The following SNX29 variants were observed in gnomAD, a reference collection of about 807,000 sequenced individuals.
SNX29 encodes the protein sorting nexin 29, also known as sorting nexin-29.
A neutral mutation model predicts 102.1 loss-of-function variants in SNX29; 78 were observed. The ratio of observed to expected loss-of-function variants is 0.76; its 90% CI spans 0.64 to 0.92. The LOEUF (loss-of-function observed/expected upper bound fraction) is 0.92, where lower values mean the gene tolerates loss of function less well. Ranked by LOEUF, SNX29 falls within the 40% of genes least tolerant of loss-of-function variation. SNX29 has a pLI of 0.00. For missense variants in SNX29, 1,280 were observed against 1,061.7 expected, an observed-to-expected ratio of 1.21 and a Z score of -2.86; for synonymous variants, 580 against 414.5, an observed-to-expected ratio of 1.40 and a Z score of -4.85.
chr16:12,308,813 CAAG>C (rs1318874553), intron 15 of SNX29, among the ~76,000 whole-genome samples: 2 of 151,980 alleles, frequency 1.3e-5, no homozygotes, highest in Non-Finnish European at 2.9e-5. Context: ...GCAAAAGAAA[CAAG>C]AACGCCTGCC....
In SNX29 at chr16:12,195,024, T is replaced by C. The variant is rs2141931587; in HGVS notation, c.1596-4577T>C. Among the ~76,000 whole-genome samples the C allele has an allele frequency of 1.3e-5, 2 of 152,322 alleles. 1 individual carries two copies. The stretch of plus-strand genomic sequence containing the variant: ...AAAATTTCCAATTAATTTTATCATA[T>C]AGAAATGAGCACTGTTAACGTTGTG... On this transcript the variant is annotated intron_variant, in intron 13 of 20. Transcript: ENST00000566228.
chr16:12,556,991 G>A (rs1598015639), intron 20 of SNX29, among the ~76,000 whole-genome samples: 4 of 142,710 alleles, frequency 2.8e-5, no homozygotes, highest in African/African-American at 1.0e-4. Context: ...TGGACAACAG[G>A]TACACACCAC....
chr16:12,453,158 C>T (rs1318431070), intron 18 of SNX29, among the ~76,000 whole-genome samples: 2 of 152,190 alleles, frequency 1.3e-5, no homozygotes, highest in Admixed American at 1.3e-4. Context: ...CTGCTGTAAG[C>T]CTCTGAAACA....
Position 12,174,970 on chromosome 16 carries a change from G to A in SNX29, c.1596-24631G>A, listed in dbSNP as rs571712144. Among the ~76,000 whole-genome samples the A allele has an allele frequency of 5.3e-5, 8 of 152,152 alleles. No individual in the cohort carries two copies. In the East Asian group the frequency reaches 9.6e-4, roughly 18 times the overall value. ...CAATTATCTTGTCCCTGAGGTAAGA[G>A]GGCTAGTAAACAGCTTAGTGTCCTC... On this transcript the variant is annotated intron_variant, in intron 13 of 20. Transcript: ENST00000566228.
chr16:12,510,449 G>C (rs1221484184), intron 19 of SNX29, among the ~76,000 whole-genome samples: 1 of 152,112 alleles, frequency 6.6e-6, no homozygotes, highest in Non-Finnish European at 1.5e-5. Flanking sequence ...TGAGGCGGGT[G>C]GATCACTTGA....
chr16:12,314,701 AT>A (rs764563304), intron 15 of SNX29, among the ~76,000 whole-genome samples: 1 of 152,196 alleles, frequency 6.6e-6, no homozygotes, highest in Non-Finnish European at 1.5e-5. Context: ...AGCTTGGTGG[AT>A]TTTATAACAC....
At position 12,442,124 on chromosome 16, in the gene SNX29, A is replaced by G. The variant is rs149822832; in HGVS notation, c.2038-35595A>G. 1.6e-3 allele frequency among the ~76,000 whole-genome samples: 247 copies of G among 152,236 alleles called. 2 individuals are homozygous for G. The highest frequency in any genetic ancestry group is 1.2e-3 in the Non-Finnish European group (81 of 68,026). On this transcript the variant is annotated intron_variant, in intron 18 of 20. Coordinates refer to ENST00000566228, the MANE Select transcript of SNX29 (RefSeq NM_032167.5). ...TGGTATGAGGTAAGGATCCAGCTTC[A>G]TTTTATTGTGGATACCCAGTTGTCC...
chr16:12,550,065 C>G (rs1448646608), intron 20 of SNX29, among the ~76,000 whole-genome samples: 1 of 152,208 alleles, frequency 6.6e-6, no homozygotes, highest in Non-Finnish European at 1.5e-5. Flanking sequence ...TGTTTAGTCT[C>G]ACCCTTTATA....
intron 15 of SNX29, among the ~76,000 whole-genome samples, chr16:12,324,023 C>T (rs2081041428): frequency 6.6e-6 from 1 of 151,436 alleles, no homozygotes; most frequent in African/African-American, 2.5e-5. Flanking sequence ...CGTACTCCCT[C>T]AATTTATCCA....
rs187106406 is a variant in SNX29, at chr16:12,287,648, C to A, written c.1782+9612C>A. The stretch of plus-strand genomic sequence containing the variant: ...AAACTCTGTAGTATCATTATCACAC[C>A]CTAAAGTTAGCAGTAATTCCTTAGT... On this transcript the variant is annotated intron_variant, in intron 15 of 20. Coordinates refer to ENST00000566228, the MANE Select transcript of SNX29 (RefSeq NM_032167.5). 1.2e-3 allele frequency among the ~76,000 whole-genome samples: 177 copies of A among 152,196 alleles called. 1 individual carries two copies. The highest frequency in any genetic ancestry group is 4.1e-3 in the African/African-American group (170 of 41,526).
At chr16:12,120,343 G>A (rs1056880019) in intron 11 of SNX29, among the ~76,000 whole-genome samples, 1 of 152,190 alleles carries the variant, frequency 6.6e-6, no homozygotes, top group African/African-American at 2.4e-5. Flanking sequence ...GGCTCTTTGA[G>A]GTCTTTGGAA....
chr16:12,393,663 T>C (rs141504199), intron 16 of SNX29, among the ~76,000 whole-genome samples: 1 of 152,156 alleles, frequency 6.6e-6, no homozygotes, highest in Admixed American at 6.5e-5. Context: ...CTCCTAGGAA[T>C]TCATATTTTG....
intron 18 of SNX29, among the ~76,000 whole-genome samples, chr16:12,475,014 C>G (rs2087525366): frequency 6.6e-6 from 1 of 152,246 alleles, no homozygotes; most frequent in African/African-American, 2.4e-5. Flanking sequence ...AAGTCCAGTT[C>G]CTCTCCATCT....
At chr16:12,484,865 C>G (rs181661384) in intron 19 of SNX29, among the ~76,000 whole-genome samples, 1 of 152,138 alleles carries the variant, frequency 6.6e-6, no homozygotes, top group African/African-American at 2.4e-5. Context: ...CTTATTTGTG[C>G]ACTTCAATAT....
intron 13 of SNX29, among the ~76,000 whole-genome samples, chr16:12,186,090 A>T (rs191011881): frequency 1.3e-5 from 2 of 152,284 alleles, no homozygotes; most frequent in Admixed American, 1.3e-4. Context: ...ATATTGACCA[A>T]ACAAATGTTC....
Position 12,568,299 on chromosome 16 carries a change from G to T in SNX29, c.2319-207G>T, listed in dbSNP as rs1309046963. Among the ~76,000 whole-genome samples, 4 of 32,220 alleles carry T rather than the reference G, an allele frequency of 1.2e-4. No individual in the cohort carries two copies. The East Asian group carries it at 1.9e-3, about 15-fold the overall frequency. The allele number at this position is 32,220 out of a possible 152,430, so 21.1% of individuals were successfully genotyped here. ...CCAAGCTTGGTTGGAGCCTCGGAGT[G>T]CTGTTAAAAAAAAAAAAATGGAAAG... On this transcript the variant is annotated intron_variant, in intron 20 of 20. Coordinates refer to ENST00000566228, the MANE Select transcript of SNX29 (RefSeq NM_032167.5).
intron 20 of SNX29, among the ~76,000 whole-genome samples, chr16:12,554,714 TGTCTTTCA>T (rs745572006): frequency 8.5e-5 from 13 of 152,210 alleles, no homozygotes; most frequent in South Asian, 2.1e-4. Flanking sequence ...TGGTGACAGC[TGTCTTTCA>T]GTCTTTCAGT....
chr16:12,497,227 A>C (rs533963169), intron 19 of SNX29, among the ~76,000 whole-genome samples: 8 of 152,260 alleles, frequency 5.3e-5, no homozygotes, highest in Non-Finnish European at 7.3e-5. Flanking sequence ...TGAAGTAAAA[A>C]AGTAAACGAA....
intron 20 of SNX29, among the ~76,000 whole-genome samples, chr16:12,537,926 A>G (rs2077148713): frequency 6.6e-6 from 1 of 151,272 alleles, no homozygotes; most frequent in Non-Finnish European, 1.5e-5. Context: ...CAGAGGTTGC[A>G]GTGAGCTGAG....
Sources: gnomAD v4.1 joint callset for allele counts (sites outside exome capture counted in the v4.1 genomes callset) on GRCh38, gnomAD v4.1.1 for gene constraint, MANE v1.5 for transcripts, NCBI Gene and HGNC (gene_info 2026-07-23, HGNC 2026-07-21) for gene names.